Variants in RASSF9 observed in about 807,000 individuals in gnomAD.
The protein encoded by RASSF9 is Ras association domain family member 9.
Under a neutral mutation model 21.4 loss-of-function variants are expected in RASSF9, and 18 were observed. The observed-to-expected ratio is 0.84, with a 90% CI of 0.58 to 1.25. The LOEUF (loss-of-function observed/expected upper bound fraction) is 1.25, where lower values mean the gene tolerates loss of function less well. Ranked by LOEUF, RASSF9 falls within the 50% of genes most tolerant of loss-of-function variation. RASSF9 has a pLI of 0.00. For synonymous variants in RASSF9, 183 were observed against 179.1 expected, an observed-to-expected ratio of 1.02 and a Z score of -0.18; for missense variants, 480 against 503.2, an observed-to-expected ratio of 0.95 and a Z score of 0.44.
chr12:85,805,042 T>C lies in RASSF9; in HGVS notation c.968A>G (p.Glu323Gly), dbSNP rs1879787351. 1 of 1,613,882 alleles carries C rather than the reference T, an allele frequency of 6.2e-7. No individual in the cohort carries two copies. Among genetic ancestry groups the C allele is most frequent in the South Asian group, 1.1e-5 (1 of 91,078 alleles). Residue 323 changes from glutamate (E) to glycine (G), a missense_variant, in exon 2 of 2, where the codon GAG becomes GGG. Coordinates refer to ENST00000361228, the MANE Select transcript of RASSF9 (RefSeq NM_005447.4). The stretch of plus-strand genomic sequence containing the variant: ...TTTCAAACCAGCTTTCATGCTTTTC[T>C]CCAAATCACACTTAACACTCTCTAA... ...SNLESVKCDL[E>G]KSMKAGLKIH...
chr12:85,812,163 G>C (rs1379532303), intron 1 of RASSF9, among the ~76,000 whole-genome samples: 4 of 151,604 alleles, frequency 2.6e-5, no homozygotes, highest in Non-Finnish European at 4.4e-5. Context: ...AAAAGATTTT[G>C]TTACACTATT....
chr12:85,819,992 T>C (rs1329946903), intron 1 of RASSF9, among the ~76,000 whole-genome samples: 2 of 152,334 alleles, frequency 1.3e-5, no homozygotes, highest in African/African-American at 4.8e-5. Flanking sequence ...AAATAGGTGA[T>C]AAGTCAATGT....
rs1001664958 is a variant in RASSF9, at chr12:85,828,583, T to C, written c.47+7572A>G. ...CAACCATTTTACTTAATCTTCTAAA[T>C]TGTGATTACAGCAAGTTCTCCTAAT... On this transcript the variant is annotated intron_variant, in intron 1 of 1. Transcript: ENST00000361228. Among the ~76,000 whole-genome samples, 5 of 152,234 alleles carry C rather than the reference T, an allele frequency of 3.3e-5. No individual in the cohort carries two copies. In the Middle Eastern group the frequency reaches 0.01, roughly 311 times the overall value.
chr12:85,814,659 A>ATTT (rs77205176), intron 1 of RASSF9, among the ~76,000 whole-genome samples: 41 of 148,406 alleles, frequency 2.8e-4, no homozygotes, highest in African/African-American at 6.4e-4. Context: ...ATGAATAGAA[A>ATTT]TTTTTTTTTT....
chr12:85,825,811 CACA>C (rs1377894810), intron 1 of RASSF9, among the ~76,000 whole-genome samples: 16 of 150,618 alleles, frequency 1.1e-4, no homozygotes, highest in South Asian at 2.1e-4. Flanking sequence ...CACACACACA[CACA>C]CCCTTACAGT....
chr12:85,830,505 T>C (rs569998954), intron 1 of RASSF9, among the ~76,000 whole-genome samples: 1 of 152,250 alleles, frequency 6.6e-6, no homozygotes, highest in South Asian at 2.1e-4. Context: ...ACTCTCTGGC[T>C]ATCTAGGAAG....
At chr12:85,820,088 A>T (rs1407384289) in intron 1 of RASSF9, among the ~76,000 whole-genome samples, 1 of 152,220 alleles carries the variant, frequency 6.6e-6, no homozygotes, top group African/African-American at 2.4e-5. Flanking sequence ...GGCCACCACC[A>T]GTTTTTGTAT....
At position 85,803,523 on chromosome 12, in the gene RASSF9, G is replaced by A. The variant is rs1016250940; in HGVS notation, c.*1179C>T. The A allele has an allele frequency of 6.6e-6, 1 of 152,084 alleles. No homozygotes were observed. Among genetic ancestry groups the A allele is most frequent in the Non-Finnish European group, 1.5e-5 (1 of 68,000 alleles). The allele number at this position is 152,084 out of a possible 1,614,324, so 9.4% of individuals were successfully genotyped here. A position where few individuals can be genotyped will look rare whatever the true frequency, so the allele number is the denominator to read the frequency against. On this transcript the variant is annotated 3_prime_UTR_variant, in exon 2 of 2. Coordinates refer to ENST00000361228, the MANE Select transcript of RASSF9 (RefSeq NM_005447.4). ...GAAGGCAGGAAAAGAGAGGAAGTAA[G>A]GCAGACAGGAAGGCAAATAAGAAGA...
chr12:85,817,850 T>A (rs1196140714), intron 1 of RASSF9, among the ~76,000 whole-genome samples: 3 of 152,158 alleles, frequency 2.0e-5, no homozygotes, highest in Non-Finnish European at 4.4e-5. Context: ...ATATGCTCTG[T>A]ACAAATGTAC....
In RASSF9 at chr12:85,818,656, G is replaced by A. The variant is rs114790176; in HGVS notation, c.48-12694C>T. 2.2e-3 allele frequency among the ~76,000 whole-genome samples: 328 copies of A among 152,236 alleles called. 2 individuals carry two copies. Among genetic ancestry groups the A allele is most frequent in the African/African-American group, 7.1e-3 (297 of 41,542 alleles). ...CACAGTCTCCTAATTTTTTAAAGCA[G>A]TTTAAAAGGGAACTATAAAACTTGC... is the stretch of plus-strand genomic sequence containing the variant. On this transcript the variant is annotated intron_variant, in intron 1 of 1. Transcript: ENST00000361228.
At chr12:85,817,274 T>C (rs1880093545) in intron 1 of RASSF9, among the ~76,000 whole-genome samples, 1 of 151,954 alleles carries the variant, frequency 6.6e-6, no homozygotes, top group Non-Finnish European at 1.5e-5. Context: ...TGTTAAAGAG[T>C]CAAATACAAT....
Position 85,823,479 on chromosome 12 carries a change from T to C in RASSF9, c.47+12676A>G, listed in dbSNP as rs113717861. Among the ~76,000 whole-genome samples, 1,144 of 152,250 alleles carry C rather than the reference T, an allele frequency of 7.5e-3. 15 individuals are homozygous for C. The highest frequency in any genetic ancestry group is 0.026 in the African/African-American group (1,082 of 41,550). ...CATGCACCTTGCTTCTTCCACATAGTCAATAGATGTGGATGTCATGCAAGT... is the reference window on the plus strand; with the variant it reads ...CATGCACCTTGCTTCTTCCACATAGCCAATAGATGTGGATGTCATGCAAGT... On this transcript the variant is annotated intron_variant, in intron 1 of 1. Coordinates refer to ENST00000361228, the MANE Select transcript of RASSF9 (RefSeq NM_005447.4).
chr12:85,833,260 A>G (rs960769002), intron 1 of RASSF9, among the ~76,000 whole-genome samples: 2 of 151,920 alleles, frequency 1.3e-5, no homozygotes, highest in Non-Finnish European at 2.9e-5. Context: ...AATAGAGAAT[A>G]AAATAATTAG....
chr12:85,812,299 T>G (rs528392258), intron 1 of RASSF9, among the ~76,000 whole-genome samples: 6 of 151,570 alleles, frequency 4.0e-5, no homozygotes, highest in Non-Finnish European at 7.4e-5. Flanking sequence ...AAATATATCC[T>G]AAGGTTTTCA....
At chr12:85,816,111 A>C (rs1311183477) in intron 1 of RASSF9, among the ~76,000 whole-genome samples, 1 of 152,122 alleles carries the variant, frequency 6.6e-6, no homozygotes, top group Non-Finnish European at 1.5e-5. Context: ...AATGATGAGA[A>C]CACATGGACA....
intron 1 of RASSF9, among the ~76,000 whole-genome samples, chr12:85,834,155 G>C (rs1481030548): frequency 6.6e-6 from 1 of 151,896 alleles, no homozygotes. Context: ...CCATATTTTT[G>C]TGTCCTAGAC....
At chr12:85,809,067 A>G (rs555171079) in intron 1 of RASSF9, among the ~76,000 whole-genome samples, 425 of 152,240 alleles carry the variant, frequency 2.8e-3, no homozygotes, top group Non-Finnish European at 4.3e-3. Flanking sequence ...TCTGTAAGGA[A>G]GGTAAAAATA....
Position 85,823,834 on chromosome 12 carries a change from C to T in RASSF9, c.47+12321G>A, listed in dbSNP as rs141605489. Among the ~76,000 whole-genome samples, 311 of 152,260 alleles carry T rather than the reference C, an allele frequency of 2.0e-3. 2 individuals carry two copies. Among genetic ancestry groups the T allele is most frequent in the African/African-American group, 6.9e-3 (286 of 41,548 alleles). Reference sequence around the variant, plus strand: ...GCTCATGAGAGAGCCCAGGTGAAGCCAGCAGAAGAACCAGTCTTGCTGACC... The same window carrying T: ...GCTCATGAGAGAGCCCAGGTGAAGCTAGCAGAAGAACCAGTCTTGCTGACC... On this transcript the variant is annotated intron_variant, in intron 1 of 1. Transcript: ENST00000361228.
At chr12:85,830,745 A>T (rs1381773660) in intron 1 of RASSF9, among the ~76,000 whole-genome samples, 3 of 151,948 alleles carry the variant, frequency 2.0e-5, no homozygotes, top group Non-Finnish European at 2.9e-5. Context: ...CCAAGGCTCT[A>T]CTCCACTTGC....
Sources: gnomAD v4.1 joint callset for allele counts (sites outside exome capture counted in the v4.1 genomes callset) on GRCh38, gnomAD v4.1.1 for gene constraint, MANE v1.5 for transcripts, NCBI Gene and HGNC (gene_info 2026-07-23, HGNC 2026-07-21) for gene names.